CROT: variants seen among roughly 807,000 people sequenced by gnomAD.
CROT encodes carnitine O-octanoyltransferase.
A neutral mutation model predicts 89.2 loss-of-function variants in CROT; 84 were observed. The observed-to-expected ratio is 0.94, with a 90% CI of 0.79 to 1.13. CROT has a LOEUF of 1.13. Among genes scored for constraint, CROT ranks in the 50% most tolerant of loss-of-function variants. The probability of loss-of-function intolerance (pLI) is 0.00; values close to 1 mark genes in which losing one functional copy is unlikely to be tolerated. For missense variants in CROT, 711 were observed against 727.8 expected, an observed-to-expected ratio of 0.98 and a Z score of 0.27; for synonymous variants, 212 against 239.5, an observed-to-expected ratio of 0.89 and a Z score of 1.06.
intron 7 of CROT, among the ~76,000 whole-genome samples, chr7:87,370,113 G>A (rs930328956): frequency 5.3e-5 from 8 of 151,910 alleles, no homozygotes; most frequent in Non-Finnish European, 8.8e-5. Context: ...AGATATTTCA[G>A]TATACATCTC....
chr7:87,379,617 G>T (rs914854766), intron 10 of CROT, among the ~76,000 whole-genome samples: 1 of 152,180 alleles, frequency 6.6e-6, no homozygotes, highest in Non-Finnish European at 1.5e-5. Context: ...CTCATAATGA[G>T]CATATCTCTC....
intron 7 of CROT, 180 bp from the exon 8 acceptor site, chr7:87,375,452 T>A: frequency 1.8e-6 from 1 of 546,932 alleles, no homozygotes; most frequent in South Asian, 2.5e-5. Context: ...CTTTTGGTGT[T>A]AATAGAACAC....
chr7:87,361,545 C>A lies in CROT; in HGVS notation c.396C>A (p.Asn132Lys). Residue 132 changes from asparagine to lysine, a missense_variant, in exon 5 of 18, where the codon AAC becomes AAA. Coordinates refer to ENST00000331536, the MANE Select transcript of CROT (RefSeq NM_021151.4). ...LERGSITLWH[N>K]LNYWQLLRKE... is the part of the protein sequence containing the mutation. The stretch of plus-strand genomic sequence containing the variant: ...GAGGAAGTATAACTCTTTGGCATAA[C>A]TTGAACTACTGGCAGCTATTAAGAA... 6.3e-7 allele frequency: 1 copy of A among 1,598,826 alleles called. No individual in the cohort carries two copies. The highest frequency in any genetic ancestry group is 8.5e-7 in the Non-Finnish European group (1 of 1,173,144).
intron 3 of CROT, among the ~76,000 whole-genome samples, chr7:87,358,430 T>C (rs1282355229): frequency 7.6e-6 from 1 of 131,934 alleles, no homozygotes; most frequent in Admixed American, 9.5e-5. Flanking sequence ...TGCAGTGAGC[T>C]GAGATTACGC....
At chr7:87,382,331 T>TAAA in intron 12 of CROT, 82 bp from the exon 13 acceptor site, 1 of 1,477,870 alleles carries the variant, frequency 6.8e-7, no homozygotes. Flanking sequence ...GTGATTACTT[T>TAAA]AATGCAGGTG....
At chr7:87,373,140 G>C (rs538175286) in intron 7 of CROT, among the ~76,000 whole-genome samples, 1 of 151,954 alleles carries the variant, frequency 6.6e-6, no homozygotes, top group Non-Finnish European at 1.5e-5. Flanking sequence ...TTATTGTAGC[G>C]ATGCTAGTAA....
chr7:87,374,346 AT>A (rs1247541252), intron 7 of CROT, among the ~76,000 whole-genome samples: 1 of 152,064 alleles, frequency 6.6e-6, no homozygotes, highest in Non-Finnish European at 1.5e-5. Flanking sequence ...TTCCTTTGTA[AT>A]TTCTCCCTAA....
chr7:87,381,949 T>G lies in CROT; in HGVS notation c.1018T>G (p.Tyr340Asp), dbSNP rs751787487. The part of the protein sequence containing the change: ...FDAMIMVNIS[Y>D]YVDEKIFQNE... ...TGCAATGATTATGGTGAACATCAGT[T>G]ATTATGTGGATGAGAAAATTTTTCA... Residue 340 changes from tyrosine (Y) to aspartate (D), a missense_variant, in exon 11 of 18, where the codon TAT becomes GAT. By Grantham distance (160) the Tyr-to-Asp change is radical. Transcript: ENST00000331536. The G allele has an allele frequency of 6.2e-7, 1 of 1,611,304 alleles. No individual in the cohort carries two copies. The highest frequency in any genetic ancestry group is 8.5e-7 in the Non-Finnish European group (1 of 1,178,564).
chr7:87,391,340 CG>C (rs1807349205), intron 13 of CROT, among the ~76,000 whole-genome samples: 1 of 152,168 alleles, frequency 6.6e-6, no homozygotes, highest in Admixed American at 6.5e-5. Context: ...GCAGGAATCA[CG>C]GGGGCCATCT....
In CROT at chr7:87,349,093, A is replaced by G. The variant is rs1338426928; in HGVS notation, c.25A>G (p.Thr9Ala). Residue 9 changes from threonine (T) to alanine (A), a missense_variant, in exon 3 of 18, where the codon ACT becomes GCT. Physicochemically the swap from Thr to Ala is moderately conservative, Grantham distance 58. Coordinates refer to ENST00000331536, the MANE Select transcript of CROT (RefSeq NM_021151.4). Reference protein sequence around the residue: MENQLAKSTEERTFQYQDS... With the variant: MENQLAKSAEERTFQYQDS... Reference sequence around the variant, plus strand: ...CATGGAAAATCAATTGGCTAAATCAACTGAAGAACGAACATTTCAGTACCA... The same window carrying G: ...CATGGAAAATCAATTGGCTAAATCAGCTGAAGAACGAACATTTCAGTACCA... The G allele has an allele frequency of 2.5e-6, 4 of 1,604,810 alleles. No individual in the cohort carries two copies. The highest frequency in any genetic ancestry group is 3.4e-6 in the Non-Finnish European group (4 of 1,174,402).
intron 1 of CROT, 83 bp from the exon 2 acceptor site, chr7:87,346,253 TTGTC>T (rs1805672669): frequency 6.6e-6 from 1 of 152,288 alleles, no homozygotes; most frequent in Admixed American, 6.5e-5. Flanking sequence ...AACTCCTAGT[TTGTC>T]TGCATTCCAC....
rs569919467 is a variant in CROT, at chr7:87,347,552, A to C, written c.-22+1122A>C. Among the ~76,000 whole-genome samples the C allele has an allele frequency of 2.5e-4, 38 of 152,354 alleles. No individual in the cohort carries two copies. The South Asian group carries it at 2.9e-3, about 12-fold the overall frequency. ...GGATGGTCAAAATGGTGTGCAGCCAAAGTCAATAGATAGAAAGAAGCTAAA... is the reference window on the plus strand; with the variant it reads ...GGATGGTCAAAATGGTGTGCAGCCACAGTCAATAGATAGAAAGAAGCTAAA... On this transcript the variant is annotated intron_variant, in intron 2 of 17. Transcript: ENST00000331536.
intron 17 of CROT, among the ~76,000 whole-genome samples, chr7:87,393,661 G>A (rs1321877066): frequency 6.6e-6 from 1 of 152,114 alleles, no homozygotes; most frequent in Non-Finnish European, 1.5e-5. Flanking sequence ...CTCTTTACAG[G>A]GGCTTTTCAA....
rs1455695439 is a variant in CROT, at chr7:87,393,047, C to A, written c.1698C>A (p.Phe566Leu). 6 of 1,613,264 alleles carry A rather than the reference C, an allele frequency of 3.7e-6. No individual in the cohort carries two copies. The highest frequency in any genetic ancestry group is 5.1e-6 in the Non-Finnish European group (6 of 1,179,524). ...TGGTACACAATGGTTATGGATTTTT[C>A]TACCATATCAGAGATGACAGGTGAG... The part of the protein sequence containing the change: ...VPMVHNGYGF[F>L]YHIRDDRFVV... Residue 566 changes from phenylalanine (F) to leucine (L), a missense_variant, in exon 17 of 18, where the codon TTC becomes TTA. Transcript: ENST00000331536.
At chr7:87,361,691 T>G (rs1336571884) in intron 5 of CROT, 37 bp from the exon 6 acceptor site, 1 of 1,550,020 alleles carries the variant, frequency 6.5e-7, no homozygotes, top group Non-Finnish European at 8.7e-7. Flanking sequence ...TTTTAAATTT[T>G]ATAATGACTT....
intron 4 of CROT, 117 bp downstream of exon 4, chr7:87,359,447 C>A: frequency 7.0e-7 from 1 of 1,438,358 alleles, no homozygotes; most frequent in African/African-American, 1.5e-5. Context: ...TTGTTATTTT[C>A]ATAATCCAAA....
chr7:87,349,484 G>A (rs1481757561), intron 3 of CROT, among the ~76,000 whole-genome samples: 1 of 152,204 alleles, frequency 6.6e-6, no homozygotes, highest in Admixed American at 6.5e-5. Flanking sequence ...TGAGCAGACA[G>A]CATGACAAAA....
At chr7:87,352,207 T>G (rs4728695) in intron 3 of CROT, among the ~76,000 whole-genome samples, 90,739 of 151,972 alleles carry the variant, frequency 0.6, 27,432 homozygotes, top group East Asian at 0.68. Flanking sequence ...GGCTTAGAAC[T>G]TTTAAAAACT....
chr7:87,378,362 AG>A (rs1446501048), intron 10 of CROT, among the ~76,000 whole-genome samples: 25 of 150,388 alleles, frequency 1.7e-4, no homozygotes, highest in African/African-American at 5.9e-4. Context: ...AAAAAAAAAA[AG>A]GGTTCAGTAG....
Sources: allele counts gnomAD v4.1 joint callset (sites outside exome capture counted in the v4.1 genomes callset), GRCh38; gene constraint gnomAD v4.1.1; transcripts MANE v1.5; gene names NCBI Gene and HGNC (gene_info 2026-07-23, HGNC 2026-07-21).